Variants in KIRREL3 observed in about 807,000 individuals in gnomAD.
The protein encoded by KIRREL3 is kirre like nephrin family adhesion molecule 3.
A neutral mutation model predicts 89.7 loss-of-function variants in KIRREL3; 36 were observed. That is an observed-to-expected ratio of 0.40 (90% CI 0.31 to 0.53). The LOEUF is 0.53. Among genes scored for constraint, KIRREL3 ranks in the 20% least tolerant of loss-of-function variants. KIRREL3 has a pLI of 0.49. For missense variants in KIRREL3, 864 were observed against 1,056.6 expected, an observed-to-expected ratio of 0.82 and a Z score of 2.53; for synonymous variants, 445 against 441.4, an observed-to-expected ratio of 1.01 and a Z score of -0.10.
chr11:126,798,088 G>A (rs530036059), intron 1 of KIRREL3, among the ~76,000 whole-genome samples: 2 of 152,238 alleles, frequency 1.3e-5, no homozygotes, highest in South Asian at 4.2e-4. Context: ...ACCCACCACA[G>A]CCAGGTGGAG....
rs1176445184 is a variant in KIRREL3, at chr11:126,668,734, T to TTTCC, written c.56-105823_56-105822insGGAA. On this transcript the variant is annotated intron_variant, in intron 1 of 16. Coordinates refer to ENST00000525144, the MANE Select transcript of KIRREL3 (RefSeq NM_032531.4). The surrounding 1 kb of genome is among the most constrained non-coding windows in gnomAD (Gnocchi z 4.4). ...CTTTCTTTCTTTCTTTCTTTCTTTC[T>TTTCC]TTCTTTCTTTCTTTCTTTCTTTTTT... Among the ~76,000 whole-genome samples, 3 of 126,226 alleles carry TTTCC rather than the reference T, an allele frequency of 2.4e-5. No homozygotes were observed. The highest frequency in any genetic ancestry group is 5.2e-5 in the Non-Finnish European group (3 of 57,486). 82.8% of individuals were successfully genotyped at this position (126,226 alleles called of 152,430 possible).
rs548083593 is a variant in KIRREL3, at chr11:126,768,845, G to A, written c.56-205933C>T. 2.0e-5 allele frequency among the ~76,000 whole-genome samples: 3 copies of A among 152,316 alleles called. No homozygotes were observed. The highest frequency in any genetic ancestry group is 2.0e-4 in the Admixed American group (3 of 15,300). On this transcript the variant is annotated intron_variant, in intron 1 of 16. Transcript: ENST00000525144. This position sits in a 1 kb window ranked among gnomAD's most constrained non-coding sequence, Gnocchi z 4.5. ...ATGTCTGAGCAGTCGGCGGAGACCA[G>A]ACATAGAGCTCCATGGAGCACGAGA...
rs1269104326 is a variant in KIRREL3 at position 126,492,006 on chromosome 11, T to G, written c.434-18540A>C. On this transcript the variant is annotated intron_variant, in intron 4 of 16. Coordinates refer to ENST00000525144, the MANE Select transcript of KIRREL3 (RefSeq NM_032531.4). The surrounding 1 kb of genome is among the most constrained non-coding windows in gnomAD (Gnocchi z 4.8). ...TGTGAGCCACCACGCCTGGGAGATT[T>G]GGAGTATTGATAGAGGGATTTCAGA... Among the ~76,000 whole-genome samples, 1 of 152,164 alleles carries G rather than the reference T, an allele frequency of 6.6e-6. No homozygotes were observed. The highest frequency in any genetic ancestry group is 1.5e-5 in the Non-Finnish European group (1 of 68,024).
intron 1 of KIRREL3, among the ~76,000 whole-genome samples, chr11:126,850,000 A>G (rs911308291): frequency 1.4e-4 from 21 of 152,276 alleles, no homozygotes; most frequent in African/African-American, 4.8e-4. Context: ...TATTCATTTC[A>G]CTTTCTGAAA....
chr11:126,629,449 G>A (rs1354307564), intron 1 of KIRREL3, among the ~76,000 whole-genome samples: 2 of 152,180 alleles, frequency 1.3e-5, no homozygotes, highest in East Asian at 1.9e-4. Context: ...GGCCTCTCAC[G>A]ATACTTTTCT....
intron 1 of KIRREL3, among the ~76,000 whole-genome samples, chr11:126,925,930 C>G (rs568593179): frequency 6.6e-6 from 1 of 152,342 alleles, no homozygotes; most frequent in African/African-American, 2.4e-5. Context: ...AACAGACACC[C>G]CCGGATCTGA....
intron 1 of KIRREL3, among the ~76,000 whole-genome samples, chr11:126,573,445 G>A (rs1236561150): frequency 6.6e-6 from 1 of 152,088 alleles, no homozygotes; most frequent in Non-Finnish European, 1.5e-5. Context: ...GCCAAGCCCA[G>A]GCAGCTACCC....
chr11:126,546,267 T>C (rs1938806752), intron 2 of KIRREL3, among the ~76,000 whole-genome samples: 1 of 152,248 alleles, frequency 6.6e-6, no homozygotes, highest in Admixed American at 6.5e-5. Context: ...GGGTTGATCT[T>C]CTCATTTTAC....
At chr11:126,864,585 C>T (rs773902592) in intron 1 of KIRREL3, among the ~76,000 whole-genome samples, 3 of 152,200 alleles carry the variant, frequency 2.0e-5, no homozygotes, top group Non-Finnish European at 4.4e-5. Flanking sequence ...GTCTCCATTT[C>T]ACAGACTCCA....
chr11:126,457,430 CGT>C (rs1189036400), intron 6 of KIRREL3, among the ~76,000 whole-genome samples: 10 of 136,446 alleles, frequency 7.3e-5, no homozygotes, highest in Admixed American at 2.2e-4. Context: ...TGTGTCTATG[CGT>C]GTGTGTATGT....
At chr11:126,851,597 C>T (rs574979127) in intron 1 of KIRREL3, among the ~76,000 whole-genome samples, 15 of 152,206 alleles carry the variant, frequency 9.9e-5, no homozygotes, top group African/African-American at 2.9e-4. Flanking sequence ...CCTCTCTGCC[C>T]GGCCCTGGGA....
chr11:126,613,893 T>TTTTTTTG lies in KIRREL3; in HGVS notation c.56-50982_56-50981insCAAAAAA, dbSNP rs371748740. ...TTGCTTTTTTTTTTTTTTTTTTTTT[T>TTTTTTTG]ATTTTTTTCCCCATAGCCTTTATCT... is the stretch of plus-strand genomic sequence containing the variant. On this transcript the variant is annotated intron_variant, in intron 1 of 16. Transcript: ENST00000525144. Among the ~76,000 whole-genome samples the TTTTTTTG allele has an allele frequency of 1.5e-4, 18 of 118,646 alleles. 1 individual carries two copies. The highest frequency in any genetic ancestry group is 3.0e-4 in the African/African-American group (9 of 29,620). The allele number at this position is 118,646 out of a possible 152,430, so 77.8% of individuals were successfully genotyped here.
rs1939860786 is a variant in KIRREL3, at chr11:126,558,375, C to T, written c.133+4460G>A. ...TGTGTTCTGCCCTTTCTTCTCCCTG[C>T]CTTGCCACTTCCTCTCTTTCCAGCC... On this transcript the variant is annotated intron_variant, in intron 2 of 16. Transcript: ENST00000525144. This position sits in a 1 kb window ranked among gnomAD's most constrained non-coding sequence, Gnocchi z 4.0. Among the ~76,000 whole-genome samples the T allele has an allele frequency of 6.6e-6, 1 of 152,186 alleles. No homozygotes were observed. The highest frequency in any genetic ancestry group is 1.5e-5 in the Non-Finnish European group (1 of 68,032).
At chr11:126,440,315 G>T in intron 11 of KIRREL3, 134 bp downstream of exon 11, 1 of 781,326 alleles carries the variant, frequency 1.3e-6, no homozygotes. Context: ...AGACAGCCAA[G>T]GCAGGTATAA....
At chr11:126,934,260 A>G (rs938250039) in intron 1 of KIRREL3, among the ~76,000 whole-genome samples, 1 of 152,206 alleles carries the variant, frequency 6.6e-6, no homozygotes, top group Non-Finnish European at 1.5e-5. Flanking sequence ...AGACATTCAC[A>G]GGCAAAAATA....
At position 126,568,874 on chromosome 11, in the gene KIRREL3, G is replaced by A. The variant is rs1413267717; in HGVS notation, c.56-5962C>T. Among the ~76,000 whole-genome samples, 4 of 152,036 alleles carry A rather than the reference G, an allele frequency of 2.6e-5. No individual in the cohort carries two copies. Among genetic ancestry groups the A allele is most frequent in the East Asian group, 1.9e-4 (1 of 5,170 alleles). ...GATATGAAAGTGGAGATGCAGAGAG[G>A]TGGAGTGAGCTCTCCAGGGTGATAT... On this transcript the variant is annotated intron_variant, in intron 1 of 16. Transcript: ENST00000525144. The surrounding 1 kb of genome is among the most constrained non-coding windows in gnomAD (Gnocchi z 4.6).
At chr11:126,511,047 CTGTGTGTGTGTG>C (rs55885385) in intron 4 of KIRREL3, among the ~76,000 whole-genome samples, 2 of 142,168 alleles carry the variant, frequency 1.4e-5, no homozygotes, top group Admixed American at 6.9e-5. Context: ...ATCTGCAGTG[CTGTGTGTGTGTG>C]TGTGTGTGTG....
chr11:126,683,999 G>A lies in KIRREL3; in HGVS notation c.56-121087C>T, dbSNP rs368669652. ...GACCCAGGGCCCAGGGTTTGGCTCC[G>A]GGTTTTTGGGCAGCTCCGCCTTCAT... On this transcript the variant is annotated intron_variant, in intron 1 of 16. Transcript: ENST00000525144. This position sits in a 1 kb window ranked among gnomAD's most constrained non-coding sequence, Gnocchi z 5.2. Among the ~76,000 whole-genome samples the A allele has an allele frequency of 1.3e-5, 2 of 152,180 alleles. No individual in the cohort carries two copies. The highest frequency in any genetic ancestry group is 2.4e-5 in the African/African-American group (1 of 41,456).
rs184631566 is a variant in KIRREL3, at chr11:126,891,401, T to C, written c.55+109054A>G. Reference sequence around the variant, plus strand: ...AGCTCCACTTAAAAAAATCTTCAGCTATTGTAAAGGGCAAGGAGCTGGAAG... The same window carrying C: ...AGCTCCACTTAAAAAAATCTTCAGCCATTGTAAAGGGCAAGGAGCTGGAAG... On this transcript the variant is annotated intron_variant, in intron 1 of 16. Coordinates refer to ENST00000525144, the MANE Select transcript of KIRREL3 (RefSeq NM_032531.4). The surrounding 1 kb of genome is among the most constrained non-coding windows in gnomAD (Gnocchi z 5.1). Among the ~76,000 whole-genome samples the C allele has an allele frequency of 1.3e-5, 2 of 152,272 alleles. No homozygotes were observed. Among genetic ancestry groups the C allele is most frequent in the East Asian group, 3.9e-4 (2 of 5,188 alleles).
Sources: gnomAD v4.1 joint callset for allele counts (sites outside exome capture counted in the v4.1 genomes callset) on GRCh38, gnomAD v4.1.1 for gene constraint, Gnocchi (gnomAD v3.1) non-coding constraint, MANE v1.5 for transcripts, NCBI Gene and HGNC (gene_info 2026-07-23, HGNC 2026-07-21) for gene names.